Variants in VPS13D observed in about 807,000 individuals in gnomAD.
VPS13D encodes vacuolar protein sorting 13 homolog D.
Under a neutral mutation model 461.9 loss-of-function variants are expected in VPS13D, and 187 were observed. That is an observed-to-expected ratio of 0.40 (90% CI 0.36 to 0.46). The LOEUF is 0.46. VPS13D is among the 20% of genes least tolerant of loss of function. The pLI, the probability that VPS13D is intolerant of heterozygous loss-of-function variation, is 0.60. For synonymous variants in VPS13D, 1,951 were observed against 1,986.3 expected (o/e 0.98, Z 0.47); for missense variants, 4,711 against 5,364.9 (o/e 0.88, Z 3.81).
chr1:12,468,085 T>C (rs562975487), intron 67 of VPS13D, among the ~76,000 whole-genome samples: 16 of 152,368 alleles, frequency 1.1e-4, no homozygotes, highest in African/African-American at 2.6e-4. Flanking sequence ...AATGAAATAA[T>C]GTTGCCATTA....
Position 12,256,469 on chromosome 1 carries a change from T to C in VPS13D, c.806T>C (p.Ile269Thr). 2 of 1,614,132 alleles carry C rather than the reference T, an allele frequency of 1.2e-6. No homozygotes were observed. Among genetic ancestry groups the C allele is most frequent in the Non-Finnish European group, 1.7e-6 (2 of 1,179,996 alleles). Residue 269 changes from isoleucine (I) to threonine (T), a missense_variant, in exon 8 of 70, where the codon ATT becomes ACT. Ile to Thr is a moderately conservative substitution (Grantham distance 89). Coordinates refer to ENST00000620676, the MANE Select transcript of VPS13D (RefSeq NM_015378.4). ...CACAGTCCCCGTATTGATTGTGATA[T>C]TCAGCTGGAGACCATTCCCTTGAAA... is the stretch of plus-strand genomic sequence containing the variant. ...SRHSPRIDCDIQLETIPLKLS... is the reference protein window; with the variant it reads ...SRHSPRIDCDTQLETIPLKLS...
At chr1:12,247,129 C>T (rs1640576698) in intron 5 of VPS13D, among the ~76,000 whole-genome samples, 1 of 152,094 alleles carries the variant, frequency 6.6e-6, no homozygotes, top group Non-Finnish European at 1.5e-5. Context: ...ATATCCTCAT[C>T]AACATTTATT....
chr1:12,457,805 C>T (rs1330766709), intron 66 of VPS13D, among the ~76,000 whole-genome samples: 2 of 152,158 alleles, frequency 1.3e-5, no homozygotes, highest in Non-Finnish European at 1.5e-5. Context: ...CCTAAGGAGA[C>T]GTCAGGCCAG....
At chr1:12,341,912 A>C (rs1404629265) in intron 41 of VPS13D, 27 bp downstream of exon 41, 6 of 1,608,486 alleles carry the variant, frequency 3.7e-6, no homozygotes, top group Middle Eastern at 1.7e-4. Context: ...TATTACCCCG[A>C]GTCATCTCTG....
Position 12,279,361 on chromosome 1 carries a change from ACCCC to A in VPS13D, c.4451-137_4451-134del. ...TGTCAAGGTTTGCTCTCAATCATAG[ACCCC>A]GGGTGCCAGGCTAACCTGCCCTCCT... is the stretch of plus-strand genomic sequence containing the variant. On this transcript the variant is annotated intron_variant, in intron 19 of 69. Coordinates refer to ENST00000620676, the MANE Select transcript of VPS13D (RefSeq NM_015378.4). This position sits in a 1 kb window ranked among gnomAD's most constrained non-coding sequence, Gnocchi z 4.3. 1 of 919,112 alleles carries A rather than the reference ACCCC, an allele frequency of 1.1e-6. No homozygotes were observed. 56.9% of individuals were successfully genotyped at this position (919,112 alleles called of 1,614,324 possible). A position where few individuals can be genotyped will look rare whatever the true frequency, so the allele number is the denominator to read the frequency against.
At chr1:12,353,455 C>T (rs2101598027) in intron 46 of VPS13D, among the ~76,000 whole-genome samples, 1 of 149,876 alleles carries the variant, frequency 6.7e-6, no homozygotes, top group Non-Finnish European at 1.5e-5. Flanking sequence ...ATGGCATGAA[C>T]CCGGGAGGTG....
At chr1:12,374,932 T>G (rs1402101744) in intron 55 of VPS13D, among the ~76,000 whole-genome samples, 2 of 152,182 alleles carry the variant, frequency 1.3e-5, no homozygotes, top group African/African-American at 2.4e-5. Context: ...GAGACGGGGT[T>G]TCGCCATGTT....
intron 18 of VPS13D, among the ~76,000 whole-genome samples, chr1:12,274,723 A>G (rs1641556525): frequency 6.6e-6 from 1 of 152,218 alleles, no homozygotes; most frequent in African/African-American, 2.4e-5. Flanking sequence ...CCGCTCACCA[A>G]GCACTACCTC....
At chr1:12,250,560 C>T (rs1450911130) in intron 6 of VPS13D, among the ~76,000 whole-genome samples, 1 of 150,586 alleles carries the variant, frequency 6.6e-6, no homozygotes, top group Non-Finnish European at 1.5e-5. Flanking sequence ...TTCTTTATTC[C>T]CTAACGTTAC....
intron 65 of VPS13D, among the ~76,000 whole-genome samples, chr1:12,433,258 G>GA (rs530607755): frequency 0.012 from 1,735 of 140,860 alleles, 26 homozygotes; most frequent in African/African-American, 0.034. Context: ...AACGCTTGGG[G>GA]AAAAAAAAAA....
intron 67 of VPS13D, among the ~76,000 whole-genome samples, chr1:12,471,478 C>T (rs1382862925): frequency 6.6e-6 from 1 of 152,184 alleles, no homozygotes; most frequent in East Asian, 1.9e-4. Context: ...CTACCTTTCC[C>T]TGATTCCTGC....
rs202046305 is a variant in VPS13D at position 12,319,514 on chromosome 1, A to G, written c.7432A>G (p.Ile2478Val). 1 of 1,614,116 alleles carries G rather than the reference A, an allele frequency of 6.2e-7. No individual in the cohort carries two copies. The highest frequency in any genetic ancestry group is 2.2e-5 in the East Asian group (1 of 44,876). The change falls in exon 32 of 70, where the codon ATT becomes GTT. Residue 2478 changes from isoleucine to valine, a missense_variant. Physicochemically the swap from Ile to Val is conservative, Grantham distance 29 (BLOSUM62 3). Transcript: ENST00000620676. The stretch of plus-strand genomic sequence containing the variant: ...CTTTCCAGGTACGGAGTTTGTGGTC[A>G]TTGAAGATGTGTCCTGCTTCGACAC... ...VNVTGTEFVV[I>V]EDVSCFDTNA...
chr1:12,494,631 C>A (rs1645931827), intron 67 of VPS13D, among the ~76,000 whole-genome samples: 1 of 152,184 alleles, frequency 6.6e-6, no homozygotes, highest in Non-Finnish European at 1.5e-5. Context: ...TGCCTGGTAG[C>A]ATGTTTTCCC....
chr1:12,293,503 C>T (rs1177400807), intron 23 of VPS13D, 21 bp from the exon 24 acceptor site: 1 of 1,566,878 alleles, frequency 6.4e-7, no homozygotes, highest in Admixed American at 1.8e-5. Flanking sequence ...ATCTGAGTCA[C>T]ACTTTTATCC....
intron 63 of VPS13D, among the ~76,000 whole-genome samples, chr1:12,411,218 G>A (rs1190195852): frequency 6.6e-6 from 1 of 152,154 alleles, no homozygotes; most frequent in Non-Finnish European, 1.5e-5. Flanking sequence ...AAATCTAAAA[G>A]TATTTTCAGA....
At chr1:12,486,942 G>A (rs1429871795) in intron 67 of VPS13D, among the ~76,000 whole-genome samples, 1 of 152,124 alleles carries the variant, frequency 6.6e-6, no homozygotes. Flanking sequence ...GTTCCGCATG[G>A]CTTCCCTCAA....
At chr1:12,359,047 G>T (rs1403171494) in intron 50 of VPS13D, among the ~76,000 whole-genome samples, 1 of 152,110 alleles carries the variant, frequency 6.6e-6, no homozygotes, top group Non-Finnish European at 1.5e-5. Flanking sequence ...GGGGAAGTCT[G>T]GGTCAGAAGT....
intron 23 of VPS13D, among the ~76,000 whole-genome samples, chr1:12,292,262 C>CAAAAAAAAAAAA (rs766212937): frequency 1.6e-4 from 2 of 12,248 alleles, no homozygotes; most frequent in African/African-American, 3.5e-4. Context: ...AACTCCATCT[C>CAAAAAAAAAAAA]AAAAAAAAAA....
chr1:12,409,989 C>A (rs915810327), intron 63 of VPS13D: 1 of 446,850 alleles, frequency 2.2e-6, no homozygotes. Context: ...CAGAAAGCAG[C>A]TGCCAACAGG....
Sources: gnomAD v4.1 joint callset for allele counts (sites outside exome capture counted in the v4.1 genomes callset) on GRCh38, gnomAD v4.1.1 for gene constraint, Gnocchi (gnomAD v3.1) non-coding constraint, MANE v1.5 for transcripts, NCBI Gene and HGNC (gene_info 2026-07-23, HGNC 2026-07-21) for gene names.